The following LRRK2 variants were observed in gnomAD, a reference collection of about 807,000 sequenced individuals.
LRRK2 encodes the protein leucine rich repeat kinase 2, also known as leucine-rich repeat serine/threonine-protein kinase 2.
In LRRK2, 203 loss-of-function variants were observed where a neutral mutation model predicts 302.6. The observed-to-expected ratio is 0.67, with a 90% confidence interval of 0.60 to 0.75. LRRK2 has a LOEUF of 0.75. Ranked by LOEUF, LRRK2 falls within the 30% of genes least tolerant of loss-of-function variation. The pLI, the probability that LRRK2 is intolerant of heterozygous loss-of-function variation, is 0.00. For missense variants in LRRK2, 2,830 were observed against 2,951.0 expected (o/e 0.96, Z 0.95); for synonymous variants, 1,066 against 1,031.9 (o/e 1.03, Z -0.63).
At chr12:40,310,822 T>C (rs1247117002) in intron 31 of LRRK2, among the ~76,000 whole-genome samples, 173 bp downstream of exon 31, 1 of 152,114 alleles carries the variant, frequency 6.6e-6, no homozygotes, top group African/African-American at 2.4e-5. Flanking sequence ...AGACTTCATT[T>C]CTAATTCATA....
rs150836763 is a variant in LRRK2 at position 40,250,405 on chromosome 12, G to A, written c.958+460G>A. On this transcript the variant is annotated intron_variant, in intron 8 of 50. Coordinates refer to ENST00000298910, the MANE Select transcript of LRRK2 (RefSeq NM_198578.4). The stretch of plus-strand genomic sequence containing the variant: ...CTCGGGAGGCCGAGGCAGGAGTATC[G>A]CTTGGAACTGGAGGGTAGGAGTTGA... Among the ~76,000 whole-genome samples, 808 of 152,246 alleles carry A rather than the reference G, an allele frequency of 5.3e-3. 4 individuals are homozygous for A. Among genetic ancestry groups the A allele is most frequent in the Middle Eastern group, 0.027 (8 of 294 alleles).
In LRRK2 at chr12:40,225,618, T is replaced by A. The variant is rs750946093; in HGVS notation, c.215T>A (p.Met72Lys). The change falls in exon 2 of 51, where the codon ATG (methionine) becomes AAG (lysine). Residue 72 changes from methionine to lysine, a missense_variant. Physicochemically the swap from Met to Lys is moderately conservative, Grantham distance 95. This residue lies in a region of LRRK2 where 2,121 missense variants were observed against 2,148.0 expected (regional missense o/e 0.99). Transcript: ENST00000298910. ...CTGTTGATCGTCTTGGACTCCTATA[T>A]GAGAGTCGCGAGTGTGCAGCAGGTA... ...VPLLIVLDSY[M>K]RVASVQQVGW... 3.1e-6 allele frequency: 5 copies of A among 1,614,052 alleles called. No individual in the cohort carries two copies. Among genetic ancestry groups the A allele is most frequent in the Non-Finnish European group, 4.2e-6 (5 of 1,179,942 alleles).
At chr12:40,361,335 C>A (rs1348406013) in intron 47 of LRRK2, among the ~76,000 whole-genome samples, 1 of 151,948 alleles carries the variant, frequency 6.6e-6, no homozygotes, top group Non-Finnish European at 1.5e-5. Context: ...GTAAAAATGT[C>A]TTTTATTATT....
chr12:40,352,067 C>T (rs1946368849), intron 44 of LRRK2, among the ~76,000 whole-genome samples: 1 of 152,154 alleles, frequency 6.6e-6, no homozygotes, highest in African/African-American at 2.4e-5. Flanking sequence ...AGTCTCTGCC[C>T]ACAAGGAGCT....
intron 7 of LRRK2, among the ~76,000 whole-genome samples, chr12:40,245,783 A>G (rs1941952823): frequency 6.6e-6 from 1 of 152,082 alleles, no homozygotes; most frequent in African/African-American, 2.4e-5. Context: ...AAAGAAATGC[A>G]AATGATTTTT....
At position 40,348,470 on chromosome 12, in the gene LRRK2, T is replaced by A; in HGVS notation, c.6342T>A (p.Cys2114Ter). The change falls in exon 43 of 51, where the codon TGT (cysteine) becomes TGA (stop). Residue 2114 changes from cysteine (C) to a stop codon, truncating the protein, a stop_gained. Transcript: ENST00000298910. LOFTEE classifies it high-confidence loss of function. ...TGGTTGAGAAATTAATTAAACAGTGTTTGAAAGAAAATCCTCAAGAAAGGC... is the reference window on the plus strand; with the variant it reads ...TGGTTGAGAAATTAATTAAACAGTGATTGAAAGAAAATCCTCAAGAAAGGC... ...WPMVEKLIKQ[C>*]LKENPQERPT... 1 of 1,613,032 alleles carries A rather than the reference T, an allele frequency of 6.2e-7. No individual in the cohort carries two copies. The highest frequency in any genetic ancestry group is 8.5e-7 in the Non-Finnish European group (1 of 1,179,240).
At chr12:40,353,482 GCTC>G (rs919764670) in intron 44 of LRRK2, among the ~76,000 whole-genome samples, 6 of 139,624 alleles carry the variant, frequency 4.3e-5, no homozygotes, top group African/African-American at 7.9e-5. Context: ...GGGAAGAGGC[GCTC>G]CTCATTTCCC....
At chr12:40,273,651 G>A (rs375171518) in intron 14 of LRRK2, among the ~76,000 whole-genome samples, 1 of 152,044 alleles carries the variant, frequency 6.6e-6, no homozygotes, top group East Asian at 1.9e-4. Flanking sequence ...TTGGAGTGGA[G>A]GTACCATGAA....
At chr12:40,281,101 C>T (rs926776894) in intron 18 of LRRK2, among the ~76,000 whole-genome samples, 2 of 151,234 alleles carry the variant, frequency 1.3e-5, no homozygotes, top group Non-Finnish European at 3.0e-5. Flanking sequence ...AACCAACCAA[C>T]CAACCAACAA....
chr12:40,277,548 G>A (rs1285225844), intron 16 of LRRK2, among the ~76,000 whole-genome samples: 2 of 152,178 alleles, frequency 1.3e-5, no homozygotes, highest in East Asian at 1.9e-4. Flanking sequence ...TGATCCAACC[G>A]CTTTAATCCT....
At chr12:40,355,528 C>CCTCCCTCCCTCCCTCG (rs1946504600) in intron 45 of LRRK2, among the ~76,000 whole-genome samples, 1 of 32,006 alleles carries the variant, frequency 3.1e-5, no homozygotes, top group Non-Finnish European at 1.0e-4. Context: ...TCCCTCCCTC[C>CCTCCCTCCCTCCCTCG]CTTCCTTCCT....
intron 11 of LRRK2, among the ~76,000 whole-genome samples, chr12:40,256,820 A>G (rs1942536294): frequency 6.6e-6 from 1 of 152,220 alleles, no homozygotes. Context: ...AGTGTCTAGC[A>G]TATCTGGTTA....
chr12:40,356,747 T>A (rs7306545), intron 46 of LRRK2, among the ~76,000 whole-genome samples: 116,825 of 152,072 alleles, frequency 0.77, 45,730 homozygotes, highest in Non-Finnish European at 0.86. Flanking sequence ...GTTATTTCTT[T>A]TGTAATTTTT....
intron 2 of LRRK2, among the ~76,000 whole-genome samples, chr12:40,230,648 G>A (rs1464781859): frequency 6.6e-6 from 1 of 150,546 alleles, no homozygotes; most frequent in Non-Finnish European, 1.5e-5. Context: ...GTCTCTAGAG[G>A]GTACATATAT....
chr12:40,334,214 A>C (rs1945801205), intron 39 of LRRK2, among the ~76,000 whole-genome samples: 1 of 152,228 alleles, frequency 6.6e-6, no homozygotes, highest in African/African-American at 2.4e-5. Context: ...ACCAGAATTC[A>C]GTAGATGAGT....
Position 40,225,494 on chromosome 12 carries a change from A to G in LRRK2, c.152-61A>G. ...ACTTTTCTCCCCGTTTCAGACTAAAAAGGAGAGGGGGTGCTGTGGATTGTG... is the reference window on the plus strand; with the variant it reads ...ACTTTTCTCCCCGTTTCAGACTAAAGAGGAGAGGGGGTGCTGTGGATTGTG... On this transcript the variant is annotated intron_variant, in intron 1 of 50. Transcript: ENST00000298910. The G allele has an allele frequency of 6.8e-6, 10 of 1,462,710 alleles. 1 individual carries two copies. In the South Asian group the frequency reaches 1.1e-4, roughly 17 times the overall value. The allele number at this position is 1,462,710 out of a possible 1,614,324, so 90.6% of individuals were successfully genotyped here.
intron 14 of LRRK2, among the ~76,000 whole-genome samples, chr12:40,268,643 G>C (rs922664933): frequency 1.8e-4 from 28 of 152,078 alleles, no homozygotes; most frequent in African/African-American, 6.8e-4. Flanking sequence ...AAGTAAGCTA[G>C]TGTAAAATTT....
rs979490797 is a variant in LRRK2, at chr12:40,368,567, T to C, written c.*802T>C. 6.6e-6 allele frequency: 1 copy of C among 151,906 alleles called. No homozygotes were observed. The highest frequency in any genetic ancestry group is 1.5e-5 in the Non-Finnish European group (1 of 67,768). The allele number at this position is 151,906 out of a possible 1,614,324, so 9.4% of individuals were successfully genotyped here. On this transcript the variant is annotated 3_prime_UTR_variant, in exon 51 of 51. Transcript: ENST00000298910. Reference sequence around the variant, plus strand: ...ATACAGTGTTCAGTCCTTCAAGTGATATTTTTATTTTTTTATTCATACCAC... The same window carrying C: ...ATACAGTGTTCAGTCCTTCAAGTGACATTTTTATTTTTTTATTCATACCAC...
At chr12:40,300,200 T>C (rs1944574078) in intron 25 of LRRK2, among the ~76,000 whole-genome samples, 1 of 152,216 alleles carries the variant, frequency 6.6e-6, no homozygotes, top group Admixed American at 6.5e-5. Context: ...TGTATATTCA[T>C]TCAGCTCTTG....
Sources: allele counts gnomAD v4.1 joint callset (sites outside exome capture counted in the v4.1 genomes callset), GRCh38; gene constraint gnomAD v4.1.1; regional missense constraint gnomAD v4.1.1; transcripts MANE v1.5; gene names NCBI Gene and HGNC (gene_info 2026-07-23, HGNC 2026-07-21).